FSTL4: variants seen among roughly 807,000 people sequenced by gnomAD.
The protein encoded by FSTL4 is follistatin-related protein 4.
Under a neutral mutation model 78.2 loss-of-function variants are expected in FSTL4, and 28 were observed. That is an observed-to-expected ratio of 0.36 (90% CI 0.27 to 0.49). The LOEUF (loss-of-function observed/expected upper bound fraction) is 0.49, where lower values mean the gene tolerates loss of function less well. FSTL4 is among the 20% of genes least tolerant of loss of function. The pLI is 0.98. For synonymous variants in FSTL4, 422 were observed against 440.5 expected (o/e 0.96, Z 0.53); for missense variants, 922 against 1,084.9 (o/e 0.85, Z 2.11).
At chr5:133,371,406 T>C (rs1755296038) in intron 4 of FSTL4, among the ~76,000 whole-genome samples, 1 of 151,934 alleles carries the variant, frequency 6.6e-6, no homozygotes, top group East Asian at 1.9e-4. Context: ...TCATGGCTAG[T>C]GTCCCTAAAA....
chr5:133,206,244 C>G (rs566699984), intron 14 of FSTL4, among the ~76,000 whole-genome samples: 1 of 152,214 alleles, frequency 6.6e-6, no homozygotes, highest in South Asian at 2.1e-4. Context: ...GGTAATTGCT[C>G]TAGCTCAAGT....
intron 3 of FSTL4, among the ~76,000 whole-genome samples, chr5:133,414,056 T>C (rs1036352035): frequency 6.6e-6 from 1 of 152,204 alleles, no homozygotes; most frequent in Non-Finnish European, 1.5e-5. Flanking sequence ...TCACATTTTC[T>C]GGAATATAAT....
At chr5:133,427,806 T>C (rs1405895988) in intron 3 of FSTL4, 3 of 415,016 alleles carry the variant, frequency 7.2e-6, no homozygotes, top group Non-Finnish European at 1.6e-5. Flanking sequence ...TGGTTCCTTC[T>C]CAGAGGTTTC....
At chr5:133,542,496 G>A (rs1759497292) in intron 3 of FSTL4, among the ~76,000 whole-genome samples, 1 of 152,120 alleles carries the variant, frequency 6.6e-6, no homozygotes, top group Non-Finnish European at 1.5e-5. Context: ...ACTTTTTCTG[G>A]ATTCTGGAGT....
the FSTL4 span, among the ~76,000 whole-genome samples, chr5:133,818,674 AG>A: frequency 3.3e-5 from 5 of 151,858 alleles, no homozygotes; most frequent in African/African-American, 1.2e-4. Context: ...CAAACCACAG[AG>A]GGCTGCAAGC....
At chr5:133,828,212 G>A in the FSTL4 span, among the ~76,000 whole-genome samples, 1 of 152,162 alleles carries the variant, frequency 6.6e-6, no homozygotes, top group African/African-American at 2.4e-5. Context: ...GGCTTCCTGG[G>A]GAACCAAAGA....
At chr5:133,415,783 G>A (rs1296662400) in intron 3 of FSTL4, among the ~76,000 whole-genome samples, 2 of 152,186 alleles carry the variant, frequency 1.3e-5, no homozygotes, top group African/African-American at 4.8e-5. Context: ...GAATCTAACA[G>A]TATATAAATA....
At chr5:133,355,668 A>G (rs1754924999) in intron 4 of FSTL4, among the ~76,000 whole-genome samples, 1 of 152,182 alleles carries the variant, frequency 6.6e-6, no homozygotes, top group African/African-American at 2.4e-5. Flanking sequence ...AAACAAACAA[A>G]CAAACAAAAA....
At chr5:133,455,493 ATG>A (rs1561723801) in intron 3 of FSTL4, among the ~76,000 whole-genome samples, 1 of 138,088 alleles carries the variant, frequency 7.2e-6, no homozygotes, top group Non-Finnish European at 1.6e-5. Flanking sequence ...ATATATATAT[ATG>A]TGTACCTCAT....
At chr5:133,731,445 C>T in the FSTL4 span, among the ~76,000 whole-genome samples, 1 of 152,182 alleles carries the variant, frequency 6.6e-6, no homozygotes, top group African/African-American at 2.4e-5. Flanking sequence ...TCAAGAGATA[C>T]CCCAAGGCCA....
At chr5:133,429,763 C>A (rs142836706) in intron 3 of FSTL4, among the ~76,000 whole-genome samples, 1 of 152,154 alleles carries the variant, frequency 6.6e-6, no homozygotes, top group African/African-American at 2.4e-5. Context: ...GGAATCCATT[C>A]CCCGTGAGGC....
At chr5:133,434,392 A>G (rs1332444756) in intron 3 of FSTL4, among the ~76,000 whole-genome samples, 1 of 152,232 alleles carries the variant, frequency 6.6e-6, no homozygotes, top group Non-Finnish European at 1.5e-5. Context: ...ATCTGGAAGT[A>G]GTTTTATATC....
chr5:133,264,084 G>A (rs1561648870), intron 6 of FSTL4, among the ~76,000 whole-genome samples: 1 of 152,156 alleles, frequency 6.6e-6, no homozygotes, highest in Non-Finnish European at 1.5e-5. Context: ...CACAACTTGG[G>A]GAGGGGGTGG....
rs145541610 is a variant in FSTL4 at position 133,293,764 on chromosome 5, C to G, written c.727+18890G>C. ...CCGAGTCCCCATGTCACTGTGTGCA[C>G]AGAAACTGAACACCAGCCTTGAGCT... On this transcript the variant is annotated intron_variant, in intron 6 of 15. Coordinates refer to ENST00000265342, the MANE Select transcript of FSTL4 (RefSeq NM_015082.2). Among the ~76,000 whole-genome samples, 571 of 152,308 alleles carry G rather than the reference C, an allele frequency of 3.7e-3. 5 individuals carry two copies. Among genetic ancestry groups the G allele is most frequent in the African/African-American group, 0.01 (422 of 41,542 alleles).
At chr5:133,788,449 C>T in the FSTL4 span, among the ~76,000 whole-genome samples, 6 of 152,236 alleles carry the variant, frequency 3.9e-5, no homozygotes, top group African/African-American at 1.4e-4. Flanking sequence ...ACTTGAGGCC[C>T]TGGACCTTGG....
intron 4 of FSTL4, among the ~76,000 whole-genome samples, chr5:133,348,645 CTG>C (rs377558529): frequency 0.01 from 1,534 of 152,336 alleles, 24 homozygotes; most frequent in African/African-American, 0.034. Context: ...CCACTCTCAG[CTG>C]TGTGTCCTCC....
intron 3 of FSTL4, among the ~76,000 whole-genome samples, chr5:133,551,562 T>A (rs1341248058): frequency 6.6e-6 from 1 of 152,240 alleles, no homozygotes; most frequent in African/African-American, 2.4e-5. Context: ...GCCATGCTCA[T>A]GCTCCGCTGA....
At chr5:133,770,444 T>C in the FSTL4 span, among the ~76,000 whole-genome samples, 26 of 152,190 alleles carry the variant, frequency 1.7e-4, no homozygotes, top group African/African-American at 6.3e-4. Flanking sequence ...TGGCGTCTCA[T>C]TGTGGTTTTA....
intron 3 of FSTL4, among the ~76,000 whole-genome samples, chr5:133,406,174 C>A (rs199632785): frequency 6.6e-6 from 1 of 152,206 alleles, no homozygotes; most frequent in East Asian, 1.9e-4. Context: ...AGACCTGAGA[C>A]CTGACGGTGA....
Sources: allele counts gnomAD v4.1 joint callset (sites outside exome capture counted in the v4.1 genomes callset), GRCh38; gene constraint gnomAD v4.1.1; transcripts MANE v1.5; gene names NCBI Gene and HGNC (gene_info 2026-07-23, HGNC 2026-07-21).